CSMD3: variants seen among roughly 807,000 people sequenced by gnomAD.
The protein encoded by CSMD3 is CUB and sushi domain-containing protein 3.
CSMD3 carries 177 observed loss-of-function variants against 435.2 expected under a neutral mutation model. That is an observed-to-expected ratio of 0.41 (90% CI 0.36 to 0.46). The LOEUF is 0.46. Ranked by LOEUF, CSMD3 falls within the 20% of genes least tolerant of loss-of-function variation. The pLI, the probability that CSMD3 is intolerant of heterozygous loss-of-function variation, is 0.34. For synonymous variants in CSMD3, 1,656 were observed against 1,520.5 expected (o/e 1.09, Z -2.07); for missense variants, 4,265 against 4,504.6 (o/e 0.95, Z 1.52).
rs150439328 is a variant in CSMD3, at chr8:113,392,134, A to G, written c.178+44543T>C. Among the ~76,000 whole-genome samples, 75 of 152,240 alleles carry G rather than the reference A, an allele frequency of 4.9e-4. 2 individuals carry two copies. The East Asian group carries it at 0.014, about 28-fold the overall frequency. On this transcript the variant is annotated intron_variant, in intron 1 of 70. Transcript: ENST00000297405. ...ACAAATTATCATTAGTTTTGAGAGT[A>G]AATTACAAAGAATTTTTGTTTAAGG...
chr8:113,389,941 A>G (rs895614039), intron 1 of CSMD3, among the ~76,000 whole-genome samples: 7 of 151,772 alleles, frequency 4.6e-5, no homozygotes, highest in African/African-American at 1.7e-4. Flanking sequence ...TCAGTATTTA[A>G]TAACTGAATT....
chr8:113,408,623 G>T, intron 1 of CSMD3, among the ~76,000 whole-genome samples: 1 of 151,208 alleles, frequency 6.6e-6, no homozygotes, highest in East Asian at 1.9e-4. Flanking sequence ...CATGCGCACA[G>T]TTACAATAGT....
At chr8:112,765,016 G>A (rs527483736) in intron 13 of CSMD3, among the ~76,000 whole-genome samples, 1 of 151,692 alleles carries the variant, frequency 6.6e-6, no homozygotes, top group East Asian at 1.9e-4. Context: ...CATAGTGAAT[G>A]AGAGGTAAGA....
At chr8:112,435,137 A>C (rs1396377931) in intron 32 of CSMD3, among the ~76,000 whole-genome samples, 2 of 152,110 alleles carry the variant, frequency 1.3e-5, no homozygotes, top group Non-Finnish European at 2.9e-5. Flanking sequence ...AATGTTTTTG[A>C]AATAAGCATA....
chr8:112,874,806 T>C (rs1489711767), intron 10 of CSMD3, among the ~76,000 whole-genome samples: 2 of 152,184 alleles, frequency 1.3e-5, no homozygotes, highest in African/African-American at 4.8e-5. Flanking sequence ...TGAGCCTATG[T>C]ATATCTTTGC....
chr8:112,365,766 G>A (rs568759119), intron 38 of CSMD3, among the ~76,000 whole-genome samples: 16 of 152,230 alleles, frequency 1.1e-4, no homozygotes, highest in Middle Eastern at 3.4e-3. Flanking sequence ...AGGAATGAGA[G>A]AAGAAGATGA....
chr8:112,703,553 T>TA (rs2076435520), intron 13 of CSMD3, among the ~76,000 whole-genome samples: 1 of 152,172 alleles, frequency 6.6e-6, no homozygotes, highest in Non-Finnish European at 1.5e-5. Context: ...CATCTGGCCT[T>TA]AAAGTGACAT....
At chr8:113,287,011 A>G (rs980102739) in intron 2 of CSMD3, among the ~76,000 whole-genome samples, 2 of 152,024 alleles carry the variant, frequency 1.3e-5, no homozygotes, top group African/African-American at 4.8e-5. Flanking sequence ...TACTATTACA[A>G]ACTCTCAGGA....
At chr8:112,430,149 G>C (rs1188108861) in intron 32 of CSMD3, among the ~76,000 whole-genome samples, 2 of 151,988 alleles carry the variant, frequency 1.3e-5, no homozygotes, top group African/African-American at 4.8e-5. Context: ...ACATCAGGTA[G>C]GAAGCGTCTA....
At chr8:113,360,071 A>G (rs528102713) in intron 1 of CSMD3, among the ~76,000 whole-genome samples, 21 of 152,286 alleles carry the variant, frequency 1.4e-4, no homozygotes, top group Non-Finnish European at 2.9e-4. Context: ...GCCTCTAGAA[A>G]TTCAATTTTC....
At chr8:113,147,469 T>C (rs984617171) in intron 4 of CSMD3, among the ~76,000 whole-genome samples, 1 of 151,672 alleles carries the variant, frequency 6.6e-6, no homozygotes, top group African/African-American at 2.4e-5. Context: ...TCTGCTTTTT[T>C]ATGATCTTAG....
intron 54 of CSMD3, among the ~76,000 whole-genome samples, chr8:112,293,488 A>G (rs1401923296): frequency 6.6e-6 from 1 of 152,162 alleles, no homozygotes; most frequent in Non-Finnish European, 1.5e-5. Flanking sequence ...ATGTGACTAC[A>G]TAATGTAGAA....
At position 112,409,009 on chromosome 8, in the gene CSMD3, A is replaced by C. The variant is rs910759357; in HGVS notation, c.5419T>G (p.Phe1807Val). ...EFVVFGQFVF[F>V]QTSLHDVVEV... ...ACAACATCGTGGAGTGATGTCTGGA[A>C]AAATACAAACTGGCCAAACACCACT... The change falls in exon 33 of 71, where the codon TTC becomes GTC. Residue 1807 changes from phenylalanine to valine, a missense_variant. By Grantham distance (50) the Phe-to-Val change is conservative. Transcript: ENST00000297405. 9.3e-6 allele frequency: 15 copies of C among 1,613,616 alleles called. No individual in the cohort carries two copies. The highest frequency in any genetic ancestry group is 1.2e-5 in the Non-Finnish European group (14 of 1,179,680).
intron 45 of CSMD3, 143 bp from the exon 46 acceptor site, chr8:112,320,124 T>G (rs1354942269): frequency 1.6e-6 from 1 of 637,536 alleles, no homozygotes. Context: ...TACATCTTTA[T>G]TTTTAAAAAT....
chr8:112,239,256 A>T (rs1813881304), intron 66 of CSMD3, among the ~76,000 whole-genome samples: 1 of 152,072 alleles, frequency 6.6e-6, no homozygotes, highest in African/African-American at 2.4e-5. Context: ...TGCTTGATTC[A>T]CAAATTGTTC....
At chr8:113,060,334 T>G (rs1411087087) in intron 5 of CSMD3, among the ~76,000 whole-genome samples, 2 of 149,828 alleles carry the variant, frequency 1.3e-5, no homozygotes, top group African/African-American at 2.5e-5. Context: ...TCATCATTTT[T>G]TATGGCTGCA....
chr8:113,070,752 A>G (rs1256410190), intron 5 of CSMD3, among the ~76,000 whole-genome samples: 3 of 151,974 alleles, frequency 2.0e-5, no homozygotes, highest in African/African-American at 7.2e-5. Flanking sequence ...TGTACTCCAG[A>G]TTCACCCATG....
At chr8:112,516,247 G>A (rs1364826014) in intron 28 of CSMD3, among the ~76,000 whole-genome samples, 1 of 152,058 alleles carries the variant, frequency 6.6e-6, no homozygotes, top group Non-Finnish European at 1.5e-5. Flanking sequence ...TGCTTACAGT[G>A]TGGTAAGAGA....
intron 4 of CSMD3, among the ~76,000 whole-genome samples, chr8:113,145,518 A>G (rs1476309790): frequency 6.6e-6 from 1 of 151,492 alleles, no homozygotes; most frequent in Non-Finnish European, 1.5e-5. Flanking sequence ...ACTATTTGTC[A>G]TGTATCATAA....
Sources: allele counts gnomAD v4.1 joint callset (sites outside exome capture counted in the v4.1 genomes callset), GRCh38; gene constraint gnomAD v4.1.1; transcripts MANE v1.5; gene names NCBI Gene and HGNC (gene_info 2026-07-23, HGNC 2026-07-21).